Variants in PGM2L1 observed in about 807,000 individuals in gnomAD.
The protein encoded by PGM2L1 is phosphoglucomutase 2 like 1.
In PGM2L1, 35 loss-of-function variants were observed where a neutral mutation model predicts 73.4. The ratio of observed to expected loss-of-function variants is 0.48; its 90% CI spans 0.36 to 0.63. PGM2L1 has a LOEUF of 0.63. PGM2L1 is among the 30% of genes least tolerant of loss of function. The probability of loss-of-function intolerance (pLI) is 0.00; values close to 1 mark genes in which losing one functional copy is unlikely to be tolerated. For synonymous variants in PGM2L1, 225 were observed against 253.8 expected (o/e 0.89, Z 1.08); for missense variants, 570 against 742.0 (o/e 0.77, Z 2.69).
intron 5 of PGM2L1, chr11:74,355,214 T>C: frequency 7.0e-7 from 1 of 1,418,644 alleles, no homozygotes; most frequent in Non-Finnish European, 9.8e-7. Context: ...ATTTTGGAGG[T>C]GGTGGAAGCT....
At chr11:74,370,184 A>C (rs1441831277) in intron 4 of PGM2L1, among the ~76,000 whole-genome samples, 9 of 152,192 alleles carry the variant, frequency 5.9e-5, no homozygotes, top group African/African-American at 2.2e-4. Context: ...AACCAAGAGT[A>C]AGAGTGTTTT....
intron 2 of PGM2L1, 143 bp downstream of exon 2, chr11:74,374,272 C>CGGG (rs57910944): frequency 3.5e-6 from 2 of 576,742 alleles, no homozygotes; most frequent in East Asian, 6.7e-5. Flanking sequence ...TTAGTAGAGA[C>CGGG]GGGGTTTCAC....
chr11:74,391,557 T>A (rs1202492529), intron 1 of PGM2L1, among the ~76,000 whole-genome samples: 2 of 152,132 alleles, frequency 1.3e-5, no homozygotes, highest in Non-Finnish European at 2.9e-5. Flanking sequence ...AAGAGCTCAT[T>A]ATTGTTTCCT....
In PGM2L1 at chr11:74,383,824, A is replaced by AATAT. The variant is rs377358856; in HGVS notation, c.112-9246_112-9243dup. On this transcript the variant is annotated intron_variant, in intron 1 of 13. Transcript: ENST00000298198. ...AGTATTCTATGGAGATATATAAATA[A>AATAT]ATATATATATATATATATAACATTT... Among the ~76,000 whole-genome samples, 936 of 121,838 alleles carry AATAT rather than the reference A, an allele frequency of 7.7e-3. 25 individuals are homozygous for AATAT. The highest frequency in any genetic ancestry group is 0.025 in the African/African-American group (731 of 28,740). The allele number at this position is 121,838 out of a possible 152,430, so 79.9% of individuals were successfully genotyped here. A position where few individuals can be genotyped will look rare whatever the true frequency, so the allele number is the denominator to read the frequency against.
chr11:74,375,378 A>C (rs1254255963), intron 1 of PGM2L1, among the ~76,000 whole-genome samples: 1 of 152,212 alleles, frequency 6.6e-6, no homozygotes, highest in African/African-American at 2.4e-5. Flanking sequence ...AAGAATATCA[A>C]ATTTCAAATA....
intron 1 of PGM2L1, among the ~76,000 whole-genome samples, chr11:74,378,090 T>A (rs1195987834): frequency 6.6e-6 from 1 of 151,964 alleles, no homozygotes; most frequent in Admixed American, 6.5e-5. Context: ...TCACCTGAGG[T>A]CAGGAGTTCA....
intron 1 of PGM2L1, among the ~76,000 whole-genome samples, chr11:74,375,170 C>T (rs775577915): frequency 6.6e-5 from 10 of 152,294 alleles, no homozygotes; most frequent in Non-Finnish European, 1.2e-4. Context: ...TTATCTATGG[C>T]ACAAGTTGAC....
At chr11:74,353,891 A>T (rs1164348111) in intron 5 of PGM2L1, among the ~76,000 whole-genome samples, 1 of 59,394 alleles carries the variant, frequency 1.7e-5, no homozygotes, top group Non-Finnish European at 3.4e-5. Flanking sequence ...GGGGCTGAAA[A>T]CCCAGAATGT....
chr11:74,342,511 C>A lies in PGM2L1; in HGVS notation c.1582G>T (p.Val528Leu). Reference sequence around the variant, plus strand: ...TCATATCCAGTGGTAACGTCCCGTACATGCAATATAGCAAATGTTCCACAA... The same window carrying A: ...TCATATCCAGTGGTAACGTCCCGTAAATGCAATATAGCAAATGTTCCACAA... ...KFCGTFAILH[V>L]RDVTTGYDSS... The change falls in exon 12 of 14, where the codon GTA (valine) becomes TTA (leucine). Residue 528 changes from valine (V) to leucine (L), a missense_variant. Val to Leu is a conservative substitution (Grantham distance 32). Coordinates refer to ENST00000298198, the MANE Select transcript of PGM2L1 (RefSeq NM_173582.6). 6.2e-7 allele frequency: 1 copy of A among 1,605,012 alleles called. No homozygotes were observed. The highest frequency in any genetic ancestry group is 1.1e-5 in the South Asian group (1 of 88,956).
At chr11:74,348,843 G>T (rs540358022) in intron 6 of PGM2L1, among the ~76,000 whole-genome samples, 157 of 152,218 alleles carry the variant, frequency 1.0e-3, no homozygotes, top group Non-Finnish European at 1.7e-3. Context: ...ATAGGCAACT[G>T]CATTTAGAGG....
chr11:74,369,319 C>G (rs7106149), intron 4 of PGM2L1, among the ~76,000 whole-genome samples: 56,937 of 150,594 alleles, frequency 0.38, 12,660 homozygotes, highest in East Asian at 0.52. Flanking sequence ...AATTGGCCAA[C>G]AAAGGTGAAA....
intron 5 of PGM2L1, among the ~76,000 whole-genome samples, chr11:74,356,200 A>G (rs557591845): frequency 3.3e-5 from 5 of 152,278 alleles, no homozygotes; most frequent in African/African-American, 1.2e-4. Flanking sequence ...TAGAGAAATC[A>G]TTGTTTTCAG....
At chr11:74,383,408 G>C (rs58587692) in intron 1 of PGM2L1, among the ~76,000 whole-genome samples, 2 of 152,068 alleles carry the variant, frequency 1.3e-5, no homozygotes, top group Admixed American at 1.3e-4. Context: ...TGTAATCAAG[G>C]AGAAAAGTTT....
At chr11:74,371,887 T>C in intron 2 of PGM2L1, 70 bp from the exon 3 acceptor site, 1 of 1,330,464 alleles carries the variant, frequency 7.5e-7, no homozygotes, top group Non-Finnish European at 1.1e-6. Flanking sequence ...GAATCTCTTA[T>C]TTTTATGTTT....
intron 1 of PGM2L1, among the ~76,000 whole-genome samples, chr11:74,393,003 C>A (rs1039997631): frequency 5.9e-5 from 9 of 152,196 alleles, no homozygotes; most frequent in Admixed American, 3.9e-4. Flanking sequence ...GCCGTATCTC[C>A]TTTAGCAAGT....
Position 74,374,609 on chromosome 11 carries a change from A to G in PGM2L1, c.112-27T>C, listed in dbSNP as rs769817790. The G allele has an allele frequency of 1.2e-4, 184 of 1,598,322 alleles. 1 individual carries two copies. The highest frequency in any genetic ancestry group is 1.5e-4 in the Non-Finnish European group (177 of 1,168,160). On this transcript the variant is annotated intron_variant, in intron 1 of 13. Coordinates refer to ENST00000298198, the MANE Select transcript of PGM2L1 (RefSeq NM_173582.6). ...TATAAAAAAGAAGTATTAAAACTTAACCAGGAATCCAAGCAGAGTCCTAAT... is the reference window on the plus strand; with the variant it reads ...TATAAAAAAGAAGTATTAAAACTTAGCCAGGAATCCAAGCAGAGTCCTAAT...
At chr11:74,364,277 T>C (rs1390557792) in intron 5 of PGM2L1, among the ~76,000 whole-genome samples, 1 of 152,198 alleles carries the variant, frequency 6.6e-6, no homozygotes, top group African/African-American at 2.4e-5. Context: ...GGGCAAAACC[T>C]GGAAGCATTC....
rs1299656388 is a variant in PGM2L1, at chr11:74,330,856, CAG to C, written c.*5794_*5795del. 1 of 152,284 alleles carries C rather than the reference CAG, an allele frequency of 6.6e-6. No homozygotes were observed. The highest frequency in any genetic ancestry group is 1.5e-5 in the Non-Finnish European group (1 of 68,034). 9.4% of individuals were successfully genotyped at this position (152,284 alleles called of 1,614,324 possible). On this transcript the variant is annotated 3_prime_UTR_variant, in exon 14 of 14. Coordinates refer to ENST00000298198, the MANE Select transcript of PGM2L1 (RefSeq NM_173582.6). Reference sequence around the variant, plus strand: ...TACCAGGCATTATATATAATTTCCACAGAGAGATATGCTTTGCTCTCTCCAAA... The same window carrying C: ...TACCAGGCATTATATATAATTTCCACAGAGATATGCTTTGCTCTCTCCAAA...
intron 5 of PGM2L1, among the ~76,000 whole-genome samples, chr11:74,357,898 AC>A (rs1184703234): frequency 1.3e-5 from 2 of 152,246 alleles, no homozygotes; most frequent in Admixed American, 6.5e-5. Flanking sequence ...GGGAATTACT[AC>A]GTGAAAGAAG....
Sources: gnomAD v4.1 joint callset for allele counts (sites outside exome capture counted in the v4.1 genomes callset) on GRCh38, gnomAD v4.1.1 for gene constraint, MANE v1.5 for transcripts, NCBI Gene and HGNC (gene_info 2026-07-23, HGNC 2026-07-21) for gene names.